The following NEBL variants were observed in gnomAD, a reference collection of about 807,000 sequenced individuals.
The protein encoded by NEBL is LIM and SH3 protein 2.
NEBL carries 122 observed loss-of-function variants against 140.2 expected under a neutral mutation model. That is an observed-to-expected ratio of 0.87 (90% confidence interval 0.75 to 1.01). The LOEUF is 1.01. Among genes scored for constraint, NEBL ranks in the 50% least tolerant of loss-of-function variants. The pLI is 0.00. For synonymous variants in NEBL, 436 were observed against 398.9 expected (o/e 1.09, Z -1.11); for missense variants, 1,365 against 1,231.3 (o/e 1.11, Z -1.62).
At chr10:21,103,499 C>T (rs1201026119) in intron 2 of NEBL, among the ~76,000 whole-genome samples, 2 of 152,146 alleles carry the variant, frequency 1.3e-5, no homozygotes, top group African/African-American at 2.4e-5. Context: ...AGGCATGAGC[C>T]ACCGCACCAG....
At chr10:21,099,955 CAG>C (rs1398927192) in intron 2 of NEBL, among the ~76,000 whole-genome samples, 5 of 152,098 alleles carry the variant, frequency 3.3e-5, no homozygotes, top group African/African-American at 1.2e-4. Flanking sequence ...TTGCCAATAA[CAG>C]AGTTGCAAAA....
intron 9 of NEBL, among the ~76,000 whole-genome samples, chr10:20,857,379 ATT>A (rs1843184707): frequency 6.6e-6 from 1 of 152,146 alleles, no homozygotes. Flanking sequence ...AACTATCTTC[ATT>A]TTTTCTCATG....
intron 3 of NEBL, among the ~76,000 whole-genome samples, chr10:21,015,164 C>G (rs1020290379): frequency 6.6e-6 from 1 of 152,116 alleles, no homozygotes; most frequent in African/African-American, 2.4e-5. Flanking sequence ...TTTTAAGCAG[C>G]CTTTTTCAAA....
chr10:20,788,310 T>C (rs1835610292), intron 26 of NEBL, among the ~76,000 whole-genome samples: 2 of 152,200 alleles, frequency 1.3e-5, no homozygotes, highest in Non-Finnish European at 2.9e-5. Flanking sequence ...ATAAAATATA[T>C]AATAGTTTGC....
chr10:20,935,219 T>C (rs1247895352), intron 4 of NEBL, among the ~76,000 whole-genome samples: 1 of 152,204 alleles, frequency 6.6e-6, no homozygotes, highest in Admixed American at 6.5e-5. Context: ...TCCTCTCAGA[T>C]GGAGATTTTG....
At chr10:21,018,632 C>T (rs571164992) in intron 3 of NEBL, among the ~76,000 whole-genome samples, 1 of 152,134 alleles carries the variant, frequency 6.6e-6, no homozygotes, top group African/African-American at 2.4e-5. Flanking sequence ...GATCCCAAGT[C>T]CCCCAGAAAG....
chr10:21,273,172 T>G (rs1305782406), intron 1 of NEBL, among the ~76,000 whole-genome samples: 1 of 152,086 alleles, frequency 6.6e-6, no homozygotes, highest in Admixed American at 6.6e-5. Flanking sequence ...GGGCAGTTTG[T>G]GGGGAGGTGA....
intron 2 of NEBL, among the ~76,000 whole-genome samples, chr10:21,122,801 G>C (rs1293795431): frequency 5.9e-5 from 9 of 152,148 alleles, no homozygotes; most frequent in Admixed American, 5.9e-4. Flanking sequence ...CTAAGGAAAA[G>C]GGAAATGAGA....
At chr10:20,976,844 C>T (rs1325065233) in intron 3 of NEBL, among the ~76,000 whole-genome samples, 1 of 150,438 alleles carries the variant, frequency 6.6e-6, no homozygotes, top group Non-Finnish European at 1.5e-5. Flanking sequence ...CAGGCAACAG[C>T]AACATTAGAA....
chr10:21,050,055 AG>A (rs774023927), intron 2 of NEBL, among the ~76,000 whole-genome samples: 6 of 152,192 alleles, frequency 3.9e-5, no homozygotes, highest in Non-Finnish European at 8.8e-5. Flanking sequence ...GAGGAAGACT[AG>A]GTAATATCTA....
intron 2 of NEBL, among the ~76,000 whole-genome samples, chr10:21,159,838 G>A (rs1840482650): frequency 3.9e-5 from 6 of 152,066 alleles, no homozygotes; most frequent in Admixed American, 3.3e-4. Flanking sequence ...CCCATCCCAC[G>A]TTGGCAAAAC....
At chr10:21,029,916 G>C in intron 2 of NEBL, 1 of 608,692 alleles carries the variant, frequency 1.6e-6, no homozygotes, top group Admixed American at 2.4e-5. Flanking sequence ...ACAACAGATG[G>C]GATGATGGGT....
intron 27 of NEBL, 84 bp from the exon 28 acceptor site, chr10:20,786,007 T>C: frequency 1.6e-6 from 2 of 1,281,366 alleles, no homozygotes; most frequent in South Asian, 2.4e-5. Flanking sequence ...GACCCACACA[T>C]AAAGTAACTA....
intron 2 of NEBL, among the ~76,000 whole-genome samples, chr10:21,169,067 A>AAT (rs1176763018): frequency 0.022 from 513 of 23,032 alleles, 12 homozygotes; most frequent in Middle Eastern, 0.083. Flanking sequence ...AAAAAAAAAA[A>AAT]ATATATATAT....
intron 4 of NEBL, among the ~76,000 whole-genome samples, chr10:20,957,225 G>T (rs1233474794): frequency 6.6e-6 from 1 of 151,956 alleles, no homozygotes; most frequent in Non-Finnish European, 1.5e-5. Context: ...AAAATCTCAG[G>T]GAACTAAATC....
rs1834931316 is a variant in NEBL, at chr10:20,780,112, G to A, written c.*5635C>T. 1 of 152,178 alleles carries A rather than the reference G, an allele frequency of 6.6e-6. No individual in the cohort carries two copies. The highest frequency in any genetic ancestry group is 2.1e-4 in the South Asian group (1 of 4,820). The allele number at this position is 152,178 out of a possible 1,614,324, so 9.4% of individuals were successfully genotyped here. ...GCATCCAAATCGCATAGATTTATAT[G>A]AGTGTGAAAAATAGGGACTCACTTT... is the stretch of plus-strand genomic sequence containing the variant. On this transcript the variant is annotated 3_prime_UTR_variant, in exon 28 of 28. Transcript: ENST00000377122.
At chr10:20,890,013 A>G in intron 2 of NEBL, 64 bp from the exon 3 acceptor site, 1 of 1,062,828 alleles carries the variant, frequency 9.4e-7, no homozygotes, top group Non-Finnish European at 1.4e-6. Context: ...GCCTTTTTTG[A>G]ATGATAATTA....
At chr10:21,082,716 C>T (rs1836437124) in intron 2 of NEBL, among the ~76,000 whole-genome samples, 2 of 147,578 alleles carry the variant, frequency 1.4e-5, no homozygotes, top group African/African-American at 5.0e-5. Context: ...CTTGAAAATA[C>T]ATTTATTTAA....
intron 1 of NEBL, among the ~76,000 whole-genome samples, chr10:21,278,163 G>A (rs988827827): frequency 4.6e-5 from 7 of 152,102 alleles, no homozygotes; most frequent in African/African-American, 9.7e-5. Context: ...GATTTGAGCC[G>A]GGCATGGTGG....
Sources: allele counts gnomAD v4.1 joint callset (sites outside exome capture counted in the v4.1 genomes callset), GRCh38; gene constraint gnomAD v4.1.1; transcripts MANE v1.5; gene names NCBI Gene and HGNC (gene_info 2026-07-23, HGNC 2026-07-21).